The following MCCC2 variants were observed in gnomAD, a reference collection of about 807,000 sequenced individuals.
MCCC2 encodes the protein methylcrotonoyl-CoA carboxylase beta chain, mitochondrial.
In MCCC2, 52 loss-of-function variants were observed where a neutral mutation model predicts 77.2. That is an observed-to-expected ratio of 0.67 (90% CI 0.54 to 0.85). The LOEUF (loss-of-function observed/expected upper bound fraction) is 0.85, where lower values mean the gene tolerates loss of function less well. Ranked by LOEUF, MCCC2 falls within the 40% of genes least tolerant of loss-of-function variation. MCCC2 has a pLI of 0.00. For missense variants in MCCC2, 682 were observed against 703.2 expected (o/e 0.97, Z 0.34); for synonymous variants, 253 against 248.4 (o/e 1.02, Z -0.18).
Position 71,632,199 on chromosome 5 carries a change from G to T in MCCC2, c.803+14G>T. The T allele has an allele frequency of 6.2e-7, 1 of 1,613,106 alleles. No individual in the cohort carries two copies. The highest frequency in any genetic ancestry group is 2.2e-5 in the East Asian group (1 of 44,872). On this transcript the variant is annotated intron_variant, in intron 8 of 16. Transcript: ENST00000340941. ...TCTTCATTGCAGGTGAAACAGAAAT[G>T]GTTGTTTCTTTCCGGGATTGAGTGT...
At chr5:71,631,097 T>C (rs1389166114) in intron 7 of MCCC2, among the ~76,000 whole-genome samples, 1 of 152,240 alleles carries the variant, frequency 6.6e-6, no homozygotes, top group Non-Finnish European at 1.5e-5. Context: ...TGGAGATTTT[T>C]TTCCTACCTC....
chr5:71,619,884 G>C lies in MCCC2; in HGVS notation c.625-6756G>C, dbSNP rs113855149. ...TGGGTGCCTGTAGTCCCAGCTACTC[G>C]GGAGGCTGAGGCAGTAGAATCGCTT... On this transcript the variant is annotated intron_variant, in intron 6 of 16. Coordinates refer to ENST00000340941, the MANE Select transcript of MCCC2 (RefSeq NM_022132.5). Among the ~76,000 whole-genome samples, 1,055 of 151,942 alleles carry C rather than the reference G, an allele frequency of 6.9e-3. 12 individuals carry two copies. The highest frequency in any genetic ancestry group is 0.024 in the African/African-American group (974 of 41,430).
At chr5:71,647,281 G>T (rs1747296633) in intron 13 of MCCC2, among the ~76,000 whole-genome samples, 1 of 152,186 alleles carries the variant, frequency 6.6e-6, no homozygotes, top group African/African-American at 2.4e-5. Context: ...AGTCAACAGG[G>T]CTTGAAATAG....
chr5:71,606,255 C>G (rs1580286607), intron 6 of MCCC2, among the ~76,000 whole-genome samples: 1 of 148,878 alleles, frequency 6.7e-6, no homozygotes, highest in East Asian at 2.0e-4. Flanking sequence ...TTTCCTTGAG[C>G]AGTGGTTTGT....
chr5:71,656,234 T>C (rs1747576166), intron 16 of MCCC2, among the ~76,000 whole-genome samples: 1 of 152,010 alleles, frequency 6.6e-6, no homozygotes. Context: ...ATAATAATAA[T>C]AATAAATAAG....
At position 71,609,106 on chromosome 5, in the gene MCCC2, C is replaced by T. The variant is rs1370271500; in HGVS notation, c.624+4638C>T. 2.6e-5 allele frequency among the ~76,000 whole-genome samples: 4 copies of T among 151,966 alleles called. No individual in the cohort carries two copies. In the East Asian group the frequency reaches 5.8e-4, roughly 22 times the overall value. ...GTTCTGTGTATTTCCTGAATCTGAACGTTGGCCTGCCTTGCTAGATTGTGG... is the reference window on the plus strand; with the variant it reads ...GTTCTGTGTATTTCCTGAATCTGAATGTTGGCCTGCCTTGCTAGATTGTGG... On this transcript the variant is annotated intron_variant, in intron 6 of 16. Transcript: ENST00000340941.
At chr5:71,634,886 A>G (rs1462723651) in intron 8 of MCCC2, 57 bp from the exon 9 acceptor site, 5 of 1,451,612 alleles carry the variant, frequency 3.4e-6, no homozygotes, top group Non-Finnish European at 1.9e-6. Context: ...GGGACCTGAG[A>G]TATTTAATTA....
At chr5:71,644,557 A>G (rs1388358250) in intron 12 of MCCC2, among the ~76,000 whole-genome samples, 2 of 152,156 alleles carry the variant, frequency 1.3e-5, no homozygotes, top group Non-Finnish European at 2.9e-5. Context: ...GATTTCATAT[A>G]TCATCTCAGA....
chr5:71,651,279 T>G (rs1343296928), intron 15 of MCCC2, among the ~76,000 whole-genome samples: 1 of 152,228 alleles, frequency 6.6e-6, no homozygotes, highest in Non-Finnish European at 1.5e-5. Flanking sequence ...CGTCATCTAT[T>G]GAGAATTGAA....
intron 5 of MCCC2, chr5:71,602,871 G>T: frequency 3.8e-6 from 2 of 525,866 alleles, no homozygotes; most frequent in Non-Finnish European, 6.5e-6. Flanking sequence ...TTTTCTCTAT[G>T]TGTTGTGTGG....
chr5:71,595,024 G>A (rs548293165), intron 2 of MCCC2, among the ~76,000 whole-genome samples: 4 of 150,942 alleles, frequency 2.7e-5, no homozygotes, highest in South Asian at 4.2e-4. Context: ...TCAGCCTCCC[G>A]AATAGCTGGG....
intron 6 of MCCC2, among the ~76,000 whole-genome samples, chr5:71,607,272 C>G (rs1426506148): frequency 2.0e-5 from 3 of 152,052 alleles, no homozygotes; most frequent in Non-Finnish European, 2.9e-5. Context: ...TTGGTCTATT[C>G]AGAGATTCAA....
intron 6 of MCCC2, among the ~76,000 whole-genome samples, chr5:71,611,414 G>T (rs1745939138): frequency 6.6e-6 from 1 of 152,060 alleles, no homozygotes; most frequent in Non-Finnish European, 1.5e-5. Flanking sequence ...AAAAGAAAAA[G>T]AAAAGAAAAG....
At chr5:71,652,308 A>G (rs2112472300) in intron 15 of MCCC2, among the ~76,000 whole-genome samples, 1 of 152,274 alleles carries the variant, frequency 6.6e-6, no homozygotes, top group Non-Finnish European at 1.5e-5. Flanking sequence ...TTTAAATGAG[A>G]ATCTCATACT....
Position 71,657,072 on chromosome 5 carries a change from A to G in MCCC2, c.*212A>G. 1 of 506,524 alleles carries G rather than the reference A, an allele frequency of 2.0e-6. No individual in the cohort carries two copies. The highest frequency in any genetic ancestry group is 2.1e-5 in the South Asian group (1 of 47,938). The allele number at this position is 506,524 out of a possible 1,614,324, so 31.4% of individuals were successfully genotyped here. A position where few individuals can be genotyped will look rare whatever the true frequency, so the allele number is the denominator to read the frequency against. On this transcript the variant is annotated 3_prime_UTR_variant, in exon 17 of 17. Coordinates refer to ENST00000340941, the MANE Select transcript of MCCC2 (RefSeq NM_022132.5). Reference sequence around the variant, plus strand: ...TCTTAGAGAAATTTCTCTGTGGCTCAGTTTTACCACCCATAAAGCGGAGAC... The same window carrying G: ...TCTTAGAGAAATTTCTCTGTGGCTCGGTTTTACCACCCATAAAGCGGAGAC...
At chr5:71,630,434 G>A (rs1221704324) in intron 7 of MCCC2, among the ~76,000 whole-genome samples, 2 of 150,978 alleles carry the variant, frequency 1.3e-5, no homozygotes, top group African/African-American at 4.9e-5. Context: ...ACTATCAAAC[G>A]TTGTGGGTGT....
intron 10 of MCCC2, among the ~76,000 whole-genome samples, chr5:71,639,265 T>C (rs1747038971): frequency 6.6e-6 from 1 of 152,236 alleles, no homozygotes; most frequent in African/African-American, 2.4e-5. Flanking sequence ...CTGTTTCATC[T>C]ACACTGAAAA....
chr5:71,646,078 T>G, intron 12 of MCCC2, 133 bp from the exon 13 acceptor site: 1 of 687,432 alleles, frequency 1.5e-6, no homozygotes, highest in South Asian at 1.8e-5. Context: ...AAAAAAAAAT[T>G]AATAAGAAGA....
chr5:71,610,849 G>A (rs983715312), intron 6 of MCCC2, among the ~76,000 whole-genome samples: 34 of 152,258 alleles, frequency 2.2e-4, no homozygotes, highest in Non-Finnish European at 4.7e-4. Context: ...AGCTGGGCGT[G>A]GTGGCACATG....
Sources: gnomAD v4.1 joint callset for allele counts (sites outside exome capture counted in the v4.1 genomes callset) on GRCh38, gnomAD v4.1.1 for gene constraint, MANE v1.5 for transcripts, NCBI Gene and HGNC (gene_info 2026-07-23, HGNC 2026-07-21) for gene names.